RET: variants seen among roughly 807,000 people sequenced by gnomAD.
RET encodes proto-oncogene tyrosine-protein kinase receptor Ret.
In RET, 19 loss-of-function variants were observed where a neutral mutation model predicts 118.3. That is an observed-to-expected ratio of 0.16 (90% CI 0.11 to 0.24). The LOEUF is 0.24. Ranked by LOEUF, RET falls within the 10% of genes least tolerant of loss-of-function variation. The pLI is 1.00. For missense variants in RET, 1,219 were observed against 1,502.1 expected, an observed-to-expected ratio of 0.81 and a Z score of 3.12; for synonymous variants, 597 against 644.1, an observed-to-expected ratio of 0.93 and a Z score of 1.11.
intron 1 of RET, among the ~76,000 whole-genome samples, chr10:43,099,628 T>C (rs773821539): frequency 6.6e-6 from 1 of 152,240 alleles, no homozygotes; most frequent in Non-Finnish European, 1.5e-5. Flanking sequence ...CCACGTGATC[T>C]GCACCCTTCT....
intron 9 of RET, among the ~76,000 whole-genome samples, chr10:43,113,338 G>A (rs555741113): frequency 1.6e-4 from 24 of 152,208 alleles, no homozygotes; most frequent in Non-Finnish European, 3.2e-4. Flanking sequence ...TTGTTCAGAT[G>A]AAATGTTAGG....
chr10:43,100,946 G>A (rs1182957547), intron 2 of RET, among the ~76,000 whole-genome samples: 2 of 152,238 alleles, frequency 1.3e-5, no homozygotes, highest in Non-Finnish European at 2.9e-5. Flanking sequence ...GGAGACACAC[G>A]GGAATCATCC....
At chr10:43,110,339 A>G (rs570645233) in intron 6 of RET, among the ~76,000 whole-genome samples, 35 of 152,326 alleles carry the variant, frequency 2.3e-4, no homozygotes, top group Non-Finnish European at 2.4e-4. Flanking sequence ...TTTGAGAGTC[A>G]CATGAGCATT....
intron 2 of RET, among the ~76,000 whole-genome samples, chr10:43,102,015 G>T (rs1837651883): frequency 6.6e-6 from 1 of 152,224 alleles, no homozygotes; most frequent in Non-Finnish European, 1.5e-5. Context: ...GTGGCAGGGG[G>T]GGTGCTGGTC....
rs570817786 is a variant in RET at position 43,091,492 on chromosome 10, G to A, written c.74-8967G>A. Among the ~76,000 whole-genome samples, 10 of 152,094 alleles carry A rather than the reference G, an allele frequency of 6.6e-5. No homozygotes were observed. In the South Asian group the frequency reaches 8.3e-4, roughly 13 times the overall value. On this transcript the variant is annotated intron_variant, in intron 1 of 19. Coordinates refer to ENST00000355710, the MANE Select transcript of RET (RefSeq NM_020975.6). ...AAAAATACAAAAAAATTAGCCAGGC[G>A]TGGTGGCAGGTGGCTGTAATCCCAG...
chr10:43,102,223 C>G, intron 2 of RET, 119 bp from the exon 3 acceptor site: 4 of 1,307,616 alleles, frequency 3.1e-6, no homozygotes, highest in Non-Finnish European at 4.3e-6. Context: ...CAGTCTGAGC[C>G]TTGTGGACCT....
intron 17 of RET, 36 bp downstream of exon 17, chr10:43,123,844 G>A: frequency 6.2e-7 from 1 of 1,613,428 alleles, no homozygotes; most frequent in African/African-American, 1.3e-5. Context: ...GCCTCACTTG[G>A]GAAGGGAGGG....
At chr10:43,118,555 C>T (rs946894723) in intron 13 of RET, 75 bp downstream of exon 13, 6 of 1,070,570 alleles carry the variant, frequency 5.6e-6, no homozygotes, top group Non-Finnish European at 8.6e-6. Context: ...TGTTCTCCCT[C>T]TTTCTCCCTT....
intron 5 of RET, among the ~76,000 whole-genome samples, chr10:43,107,159 C>T (rs1424196911): frequency 6.6e-6 from 1 of 152,214 alleles, no homozygotes; most frequent in Admixed American, 6.5e-5. Context: ...AAATAAACCA[C>T]CTGCATTTGG....
At chr10:43,108,117 G>T (rs1038827376) in intron 5 of RET, among the ~76,000 whole-genome samples, 4 of 152,022 alleles carry the variant, frequency 2.6e-5, no homozygotes, top group African/African-American at 9.7e-5. Flanking sequence ...AGACCGAGGC[G>T]GGTGGATTGT....
Position 43,119,816 on chromosome 10 carries a change from C to T in RET, c.2607+71C>T, listed in dbSNP as rs1167492881. ...ACCCTGACCCACCACGCCCCTGCCA[C>T]CCACACCCTGGCCTGCCACTCCCCC... On this transcript the variant is annotated intron_variant, in intron 14 of 19. Transcript: ENST00000355710. 38 of 1,491,062 alleles carry T rather than the reference C, an allele frequency of 2.5e-5. No individual in the cohort carries two copies. The East Asian group carries it at 2.6e-4, about 10-fold the overall frequency. The allele number at this position is 1,491,062 out of a possible 1,614,324, so 92.4% of individuals were successfully genotyped here.
At chr10:43,078,049 G>A (rs951443770) in intron 1 of RET, among the ~76,000 whole-genome samples, 1 of 152,240 alleles carries the variant, frequency 6.6e-6, no homozygotes, top group African/African-American at 2.4e-5. Flanking sequence ...TGGGGCAGGG[G>A]TTTGCGCCGC....
intron 6 of RET, among the ~76,000 whole-genome samples, chr10:43,110,151 G>A (rs550660485): frequency 1.1e-3 from 166 of 151,230 alleles, no homozygotes; most frequent in African/African-American, 4.0e-3. Flanking sequence ...ACAAGACAGA[G>A]GGCCCCGGGG....
intron 4 of RET, 120 bp downstream of exon 4, chr10:43,105,313 T>A (rs1837744876): frequency 4.1e-6 from 6 of 1,468,630 alleles, no homozygotes; most frequent in Admixed American, 1.9e-5. Flanking sequence ...GCGCTTTCAT[T>A]TGTCCTTCGC....
At chr10:43,113,739 C>T (rs1269738808) in intron 10 of RET, 64 bp downstream of exon 10, 2 of 1,600,382 alleles carry the variant, frequency 1.2e-6, no homozygotes, top group Non-Finnish European at 1.7e-6. Flanking sequence ...AACAGCACAT[C>T]TGAGGTCCCA....
intron 8 of RET, among the ~76,000 whole-genome samples, 153 bp downstream of exon 8, chr10:43,112,377 G>A (rs77341521): frequency 3.3e-3 from 500 of 152,364 alleles, no homozygotes; most frequent in Middle Eastern, 0.01. Context: ...CCAGCATAGC[G>A]GGCAGCAGTG....
At chr10:43,120,294 C>G in intron 15 of RET, 91 bp downstream of exon 15, 1 of 1,545,382 alleles carries the variant, frequency 6.5e-7, no homozygotes, top group Non-Finnish European at 8.8e-7. Flanking sequence ...GGAAAGATAC[C>G]GAAGATTAGT....
intron 12 of RET, among the ~76,000 whole-genome samples, chr10:43,117,995 T>C (rs1838112014): frequency 6.6e-6 from 1 of 152,164 alleles, no homozygotes; most frequent in South Asian, 2.1e-4. Flanking sequence ...CTCCAGGGCC[T>C]CTCCCGACAA....
chr10:43,124,804 G>T (rs759572905), intron 17 of RET, 79 bp from the exon 18 acceptor site: 1 of 1,357,488 alleles, frequency 7.4e-7, no homozygotes. Flanking sequence ...ACAGGGCAGG[G>T]TGCGATGGCT....
Sources: allele counts gnomAD v4.1 joint callset (sites outside exome capture counted in the v4.1 genomes callset), GRCh38; gene constraint gnomAD v4.1.1; transcripts MANE v1.5; gene names NCBI Gene and HGNC (gene_info 2026-07-23, HGNC 2026-07-21).